Variants in TCF12 observed in about 807,000 individuals in gnomAD.
TCF12 encodes the protein DNA-binding protein HTF4.
Under a neutral mutation model 86.0 loss-of-function variants are expected in TCF12, and 45 were observed. That is an observed-to-expected ratio of 0.52 (90% CI 0.41 to 0.67). The LOEUF is 0.67. Among genes scored for constraint, TCF12 ranks in the 30% least tolerant of loss-of-function variants. TCF12 has a pLI of 0.00. For synonymous variants in TCF12, 330 were observed against 299.6 expected, an observed-to-expected ratio of 1.10 and a Z score of -1.05; for missense variants, 881 against 859.9, an observed-to-expected ratio of 1.02 and a Z score of -0.31.
At chr15:57,117,662 A>G (rs1416174347) in intron 5 of TCF12, among the ~76,000 whole-genome samples, 1 of 152,228 alleles carries the variant, frequency 6.6e-6, no homozygotes, top group African/African-American at 2.4e-5. Context: ...TGCAGAAAGT[A>G]GTACCTGGCA....
intron 6 of TCF12, among the ~76,000 whole-genome samples, chr15:57,177,263 CA>C (rs1473409684): frequency 6.2e-5 from 8 of 128,490 alleles, no homozygotes; most frequent in African/African-American, 2.1e-4. Context: ...AGGCAATAGA[CA>C]ATTTTTTTTT....
chr15:57,052,718 G>A (rs113693862), intron 3 of TCF12, among the ~76,000 whole-genome samples: 6,234 of 151,802 alleles, frequency 0.041, 362 homozygotes, highest in African/African-American at 0.13. Flanking sequence ...ACAGTGTCAT[G>A]TTATTTATAA....
chr15:57,046,950 A>T (rs1286054488), intron 3 of TCF12, among the ~76,000 whole-genome samples: 1 of 152,172 alleles, frequency 6.6e-6, no homozygotes, highest in East Asian at 1.9e-4. Context: ...AATCTTGTTG[A>T]TGATGTAATT....
At chr15:57,141,369 G>A (rs1355392737) in intron 5 of TCF12, among the ~76,000 whole-genome samples, 1 of 152,128 alleles carries the variant, frequency 6.6e-6, no homozygotes, top group Non-Finnish European at 1.5e-5. Flanking sequence ...GATTGATTGA[G>A]ATGGGGTTTA....
intron 3 of TCF12, among the ~76,000 whole-genome samples, chr15:56,921,738 A>C (rs1378349145): frequency 6.6e-6 from 1 of 152,014 alleles, no homozygotes; most frequent in Non-Finnish European, 1.5e-5. Context: ...GAAACTCAGT[A>C]ATGCCTCTTT....
At chr15:57,224,577 A>C (rs1248752989) in intron 8 of TCF12, among the ~76,000 whole-genome samples, 14 of 152,158 alleles carry the variant, frequency 9.2e-5, no homozygotes, top group African/African-American at 3.4e-4. Flanking sequence ...TTGGTTTTAA[A>C]ATGCTTTGTA....
At chr15:57,030,001 GT>G (rs1414005983) in intron 3 of TCF12, among the ~76,000 whole-genome samples, 3 of 152,068 alleles carry the variant, frequency 2.0e-5, no homozygotes, top group Non-Finnish European at 2.9e-5. Context: ...GTTTTTTATA[GT>G]TTTTGGAGAT....
chr15:57,233,057 TTATA>T (rs1453918202), intron 11 of TCF12, among the ~76,000 whole-genome samples: 1 of 130,328 alleles, frequency 7.7e-6, no homozygotes, highest in African/African-American at 2.5e-5. Context: ...TGTATATGTG[TTATA>T]TATGTATATG....
intron 5 of TCF12, among the ~76,000 whole-genome samples, chr15:57,144,791 A>G (rs1384997279): frequency 2.0e-5 from 3 of 152,086 alleles, no homozygotes; most frequent in African/African-American, 4.8e-5. Flanking sequence ...TTGTAGAGAT[A>G]GGGTTTTGCC....
At chr15:57,116,189 C>G (rs950645176) in intron 5 of TCF12, among the ~76,000 whole-genome samples, 5 of 152,218 alleles carry the variant, frequency 3.3e-5, no homozygotes, top group African/African-American at 1.2e-4. Context: ...GACTCCAAAG[C>G]CTGTTTTTAA....
intron 8 of TCF12, among the ~76,000 whole-genome samples, chr15:57,224,397 C>T (rs1254274063): frequency 6.6e-6 from 1 of 151,894 alleles, no homozygotes; most frequent in Non-Finnish European, 1.5e-5. Context: ...GTAATATGCC[C>T]AGTGATGTTA....
At position 57,287,673 on chromosome 15, in the gene TCF12, GA is replaced by G. The variant is rs2061977005; in HGVS notation, c.*1531del. ...CAACAGTGGCAATCAGCACACAGAG[GA>G]AAGGACCCAAATCACTATGTAGCTT... On this transcript the variant is annotated 3_prime_UTR_variant, in exon 21 of 21. Transcript: ENST00000333725. 6.6e-6 allele frequency: 1 copy of G among 152,606 alleles called. No homozygotes were observed. The highest frequency in any genetic ancestry group is 2.4e-5 in the African/African-American group (1 of 41,446). The allele number at this position is 152,606 out of a possible 1,614,324, so 9.5% of individuals were successfully genotyped here.
chr15:57,257,550 A>C (rs369312771), intron 16 of TCF12, among the ~76,000 whole-genome samples: 7 of 151,998 alleles, frequency 4.6e-5, no homozygotes, highest in African/African-American at 1.7e-4. Flanking sequence ...GGTCCCAGCT[A>C]CTCAGGAGGC....
chr15:57,260,961 G>A (rs1047206391), intron 16 of TCF12, among the ~76,000 whole-genome samples: 10 of 152,066 alleles, frequency 6.6e-5, no homozygotes, highest in African/African-American at 2.4e-4. Context: ...TTTTTTAGGG[G>A]AACAACCAAA....
At chr15:57,204,606 C>G (rs376223871) in intron 8 of TCF12, among the ~76,000 whole-genome samples, 55 of 152,126 alleles carry the variant, frequency 3.6e-4, no homozygotes, top group African/African-American at 1.3e-3. Context: ...TGTAGGGATA[C>G]CTTTTGAGAC....
intron 3 of TCF12, among the ~76,000 whole-genome samples, chr15:57,008,416 C>T (rs1567243971): frequency 6.7e-6 from 1 of 149,992 alleles, no homozygotes; most frequent in Non-Finnish European, 1.5e-5. Context: ...TGCTCTGTTA[C>T]CCATGTTGGA....
intron 3 of TCF12, among the ~76,000 whole-genome samples, chr15:56,961,108 A>G (rs372695462): frequency 3.1e-5 from 4 of 130,820 alleles, no homozygotes; most frequent in East Asian, 4.7e-4. Context: ...CCTGGGCAAC[A>G]AGAGTGAAAC....
chr15:57,044,473 AC>A (rs2067099031), intron 3 of TCF12, among the ~76,000 whole-genome samples: 1 of 152,174 alleles, frequency 6.6e-6, no homozygotes, highest in Non-Finnish European at 1.5e-5. Flanking sequence ...TTTAAAATGA[AC>A]TTTTTGTTTG....
intron 3 of TCF12, among the ~76,000 whole-genome samples, chr15:56,961,677 C>CTAAA (rs2061761221): frequency 6.6e-6 from 1 of 152,100 alleles, no homozygotes; most frequent in Admixed American, 6.5e-5. Context: ...TGAGAAAACA[C>CTAAA]TTTAGATCTC....
Sources: allele counts gnomAD v4.1 joint callset (sites outside exome capture counted in the v4.1 genomes callset), GRCh38; gene constraint gnomAD v4.1.1; transcripts MANE v1.5; gene names NCBI Gene and HGNC (gene_info 2026-07-23, HGNC 2026-07-21).